Variants in TRPM3 observed in about 807,000 individuals in gnomAD.
TRPM3 encodes transient receptor potential cation channel subfamily M member 3.
Under a neutral mutation model 181.2 loss-of-function variants are expected in TRPM3, and 77 were observed. The ratio of observed to expected loss-of-function variants is 0.42; its 90% confidence interval spans 0.35 to 0.51. The LOEUF is 0.51. Ranked by LOEUF, TRPM3 falls within the 20% of genes least tolerant of loss-of-function variation. TRPM3 has a pLI of 0.01. For missense variants in TRPM3, 1,759 were observed against 2,196.7 expected (o/e 0.80, Z 3.98); for synonymous variants, 745 against 796.4 (o/e 0.94, Z 1.09).
intron 1 of TRPM3, among the ~76,000 whole-genome samples, chr9:70,953,608 T>G (rs1395404580): frequency 6.6e-6 from 1 of 152,160 alleles, no homozygotes; most frequent in Non-Finnish European, 1.5e-5. Context: ...TAATATGAGG[T>G]GAGATTACTA....
At chr9:71,298,831 C>T (rs76700872) in intron 1 of TRPM3, among the ~76,000 whole-genome samples, 1,616 of 152,140 alleles carry the variant, frequency 0.011, 26 homozygotes, top group East Asian at 0.075. Flanking sequence ...TTATGAAACC[C>T]TCTTTTATAA....
chr9:71,285,709 C>A (rs1463545827), intron 1 of TRPM3, among the ~76,000 whole-genome samples: 4 of 152,146 alleles, frequency 2.6e-5, no homozygotes, highest in Admixed American at 2.6e-4. Context: ...TGAGAAGAAG[C>A]ACCACCACCA....
intron 1 of TRPM3, among the ~76,000 whole-genome samples, chr9:71,074,216 T>TC (rs1463106627): frequency 4.6e-5 from 7 of 152,222 alleles, no homozygotes; most frequent in Non-Finnish European, 8.8e-5. Context: ...TTTACTATTT[T>TC]CCGTGCATAA....
chr9:70,757,867 A>C (rs570035913), intron 8 of TRPM3, among the ~76,000 whole-genome samples: 1 of 152,346 alleles, frequency 6.6e-6, no homozygotes, highest in East Asian at 1.9e-4. Flanking sequence ...ACCCACAGCC[A>C]ATATCATACT....
chr9:71,147,839 A>G (rs2075510422), intron 1 of TRPM3, among the ~76,000 whole-genome samples: 1 of 152,164 alleles, frequency 6.6e-6, no homozygotes, highest in South Asian at 2.1e-4. Flanking sequence ...ACAATGCAAT[A>G]AACAGGGGCC....
At chr9:71,060,493 GAA>G (rs1459095969) in intron 1 of TRPM3, among the ~76,000 whole-genome samples, 1 of 152,082 alleles carries the variant, frequency 6.6e-6, no homozygotes, top group East Asian at 1.9e-4. Context: ...TCAACAAGTA[GAA>G]GCACTATGTT....
chr9:71,079,755 G>A (rs186439113), intron 1 of TRPM3, among the ~76,000 whole-genome samples: 2 of 152,268 alleles, frequency 1.3e-5, no homozygotes, highest in African/African-American at 4.8e-5. Flanking sequence ...ACCAAGTGGT[G>A]CAAGTCCTCT....
intron 5 of TRPM3, among the ~76,000 whole-genome samples, chr9:70,836,760 T>A (rs2094349793): frequency 6.6e-6 from 1 of 152,122 alleles, no homozygotes; most frequent in Admixed American, 6.6e-5. Context: ...ATCTGAATAC[T>A]CTCCCATCCA....
intron 1 of TRPM3, among the ~76,000 whole-genome samples, chr9:70,899,677 A>G (rs1319899452): frequency 3.3e-5 from 5 of 152,200 alleles, no homozygotes; most frequent in Admixed American, 1.3e-4. Flanking sequence ...TTGTGCCCCA[A>G]TGCATCCCAC....
At chr9:71,290,395 G>A (rs1346639608) in intron 1 of TRPM3, among the ~76,000 whole-genome samples, 2 of 152,064 alleles carry the variant, frequency 1.3e-5, no homozygotes, top group Admixed American at 1.3e-4. Flanking sequence ...ATTTCTGTTT[G>A]CAATACTTGA....
chr9:71,074,515 C>T (rs778250847), intron 1 of TRPM3, among the ~76,000 whole-genome samples: 55 of 152,098 alleles, frequency 3.6e-4, no homozygotes, highest in African/African-American at 1.1e-3. Flanking sequence ...CTCTCTTTAG[C>T]GAGGTATTAG....
intron 4 of TRPM3, 62 bp from the exon 5 acceptor site, chr9:70,843,189 A>C: frequency 1.3e-6 from 2 of 1,541,546 alleles, no homozygotes; most frequent in Non-Finnish European, 1.8e-6. Flanking sequence ...CATCATTCTA[A>C]AGAAAACTGT....
rs542388553 is a variant in TRPM3, at chr9:70,557,086, A to G, written c.3224-3776T>C. Among the ~76,000 whole-genome samples, 25 of 152,352 alleles carry G rather than the reference A, an allele frequency of 1.6e-4. No homozygotes were observed. In the South Asian group the frequency reaches 5.0e-3, roughly 30 times the overall value. ...TTATAATATGCTGAATACAGGGTAT[A>G]TTGGGAATTAGAGAGATGCTTCCTG... On this transcript the variant is annotated intron_variant, in intron 22 of 25. Coordinates refer to ENST00000677713, the MANE Select transcript of TRPM3 (RefSeq NM_001366145.2).
chr9:70,914,431 T>A (rs899315606), intron 1 of TRPM3, among the ~76,000 whole-genome samples: 1 of 152,236 alleles, frequency 6.6e-6, no homozygotes, highest in South Asian at 2.1e-4. Flanking sequence ...GAACACACCA[T>A]GATATGTATT....
chr9:71,376,070 G>T (rs1161494970), intron 1 of TRPM3, among the ~76,000 whole-genome samples: 1 of 151,882 alleles, frequency 6.6e-6, no homozygotes, highest in East Asian at 1.9e-4. Context: ...TTTAGATACT[G>T]CCTGACAAGA....
At chr9:71,050,721 A>AT in intron 1 of TRPM3, among the ~76,000 whole-genome samples, 1 of 152,154 alleles carries the variant, frequency 6.6e-6, no homozygotes, top group African/African-American at 2.4e-5. Flanking sequence ...TTTTCAGAGA[A>AT]TTTTTACTCA....
chr9:70,576,668 C>T (rs1255596155), intron 22 of TRPM3, among the ~76,000 whole-genome samples: 1 of 152,082 alleles, frequency 6.6e-6, no homozygotes, highest in Non-Finnish European at 1.5e-5. Context: ...GCACCCGCCA[C>T]CGTGCCCGGC....
At chr9:71,388,157 TATG>T (rs1194864595) in intron 1 of TRPM3, among the ~76,000 whole-genome samples, 3 of 152,160 alleles carry the variant, frequency 2.0e-5, no homozygotes, top group African/African-American at 7.2e-5. Flanking sequence ...CGACCAGTTA[TATG>T]ATGAGCTAAG....
rs555532665 is a variant in TRPM3, at chr9:70,664,944, C to T, written c.1345+16562G>A. Among the ~76,000 whole-genome samples, 3 of 152,240 alleles carry T rather than the reference C, an allele frequency of 2.0e-5. No individual in the cohort carries two copies. The East Asian group carries it at 5.8e-4, about 29-fold the overall frequency. On this transcript the variant is annotated intron_variant, in intron 9 of 25. Coordinates refer to ENST00000677713, the MANE Select transcript of TRPM3 (RefSeq NM_001366145.2). ...GGATTACAGGCGTGAGCCACCACAC[C>T]GGCCTAGGAACGTACCTCTCACGCC...
Sources: gnomAD v4.1 joint callset for allele counts (sites outside exome capture counted in the v4.1 genomes callset) on GRCh38, gnomAD v4.1.1 for gene constraint, MANE v1.5 for transcripts, NCBI Gene and HGNC (gene_info 2026-07-23, HGNC 2026-07-21) for gene names.